NALCN: variants seen among roughly 807,000 people sequenced by gnomAD.
NALCN encodes the protein sodium leak channel, non-selective.
In NALCN, 111 loss-of-function variants were observed where a neutral mutation model predicts 225.3. The observed-to-expected ratio is 0.49, with a 90% CI of 0.42 to 0.58. The LOEUF is 0.58. NALCN is among the 20% of genes least tolerant of loss of function. The probability of loss-of-function intolerance (pLI) is 0.00; values close to 1 mark genes in which losing one functional copy is unlikely to be tolerated. For synonymous variants in NALCN, 764 were observed against 769.0 expected, an observed-to-expected ratio of 0.99 and a Z score of 0.11; for missense variants, 1,378 against 2,202.4, an observed-to-expected ratio of 0.63 and a Z score of 7.49.
intron 11 of NALCN, among the ~76,000 whole-genome samples, chr13:101,251,926 T>A (rs759764041): frequency 6.6e-6 from 1 of 152,172 alleles, no homozygotes; most frequent in African/African-American, 2.4e-5. Context: ...TCTACCACAA[T>A]AGAGAATGAT....
intron 7 of NALCN, among the ~76,000 whole-genome samples, chr13:101,323,115 T>C (rs372683093): frequency 4.6e-5 from 7 of 152,222 alleles, no homozygotes; most frequent in African/African-American, 9.7e-5. Context: ...CTTACCATTA[T>C]TAACATCTTA....
At chr13:101,388,434 A>AT (rs63238661) in intron 3 of NALCN, among the ~76,000 whole-genome samples, 26,149 of 151,902 alleles carry the variant, frequency 0.17, 2,844 homozygotes, top group East Asian at 0.43. Context: ...AAAAAAAAAA[A>AT]TTTTGGTTGT....
At chr13:101,075,181 A>G (rs2033171444) in intron 35 of NALCN, among the ~76,000 whole-genome samples, 1 of 152,238 alleles carries the variant, frequency 6.6e-6, no homozygotes, top group African/African-American at 2.4e-5. Context: ...AAAAGGAAAC[A>G]GCATTGTAAA....
intron 11 of NALCN, among the ~76,000 whole-genome samples, chr13:101,247,251 G>A (rs1286805317): frequency 2.0e-5 from 3 of 152,198 alleles, no homozygotes; most frequent in African/African-American, 7.2e-5. Context: ...GGCCTCCAGA[G>A]GCAGGAGGAG....
intron 15 of NALCN, among the ~76,000 whole-genome samples, chr13:101,146,220 T>C (rs1244843454): frequency 2.6e-5 from 4 of 152,256 alleles, no homozygotes; most frequent in Admixed American, 1.3e-4. Flanking sequence ...ACATTTACCT[T>C]AGCCATTTGT....
intron 6 of NALCN, among the ~76,000 whole-genome samples, chr13:101,370,450 T>C (rs1375530375): frequency 6.6e-6 from 1 of 152,214 alleles, no homozygotes; most frequent in Admixed American, 6.5e-5. Flanking sequence ...TTAATGCCCA[T>C]GTGAGGCGGA....
intron 17 of NALCN, among the ~76,000 whole-genome samples, chr13:101,126,463 T>A (rs921645129): frequency 4.6e-5 from 7 of 151,946 alleles, no homozygotes; most frequent in African/African-American, 1.7e-4. Flanking sequence ...CTTTCCTACT[T>A]CTCCCCTCCT....
chr13:101,192,236 T>A lies in NALCN; in HGVS notation c.1627-182A>T, dbSNP rs1594403812. On this transcript the variant is annotated intron_variant, in intron 13 of 43. Coordinates refer to ENST00000251127, the MANE Select transcript of NALCN (RefSeq NM_052867.4). Reference sequence around the variant, plus strand: ...GAATAAAGATCTTAAAAATGTGATATTTAACTATTTGATGTGGAATAAGAA... The same window carrying A: ...GAATAAAGATCTTAAAAATGTGATAATTAACTATTTGATGTGGAATAAGAA... Among the ~76,000 whole-genome samples, 4 of 152,324 alleles carry A rather than the reference T, an allele frequency of 2.6e-5. 1 individual carries two copies. The highest frequency in any genetic ancestry group is 2.6e-4 in the Admixed American group (4 of 15,288).
chr13:101,196,870 C>T (rs917044773), intron 13 of NALCN, among the ~76,000 whole-genome samples: 9 of 152,092 alleles, frequency 5.9e-5, no homozygotes, highest in African/African-American at 9.7e-5. Context: ...TCTGTATGGG[C>T]GAATAGGACA....
rs945429222 is a variant in NALCN at position 101,071,139 on chromosome 13, C to T, written c.4198-2312G>A. ...CGACACATGGAGATTAAGGGAACTACAATTCAAGATGAGATTTGGGTGGGG... is the reference window on the plus strand; with the variant it reads ...CGACACATGGAGATTAAGGGAACTATAATTCAAGATGAGATTTGGGTGGGG... On this transcript the variant is annotated intron_variant, in intron 37 of 43. Transcript: ENST00000251127. Among the ~76,000 whole-genome samples the T allele has an allele frequency of 3.3e-5, 5 of 152,182 alleles. No homozygotes were observed. The East Asian group carries it at 7.7e-4, about 23-fold the overall frequency.
At chr13:101,132,092 C>T (rs974997937) in intron 17 of NALCN, among the ~76,000 whole-genome samples, 5 of 151,808 alleles carry the variant, frequency 3.3e-5, no homozygotes, top group Non-Finnish European at 5.9e-5. Flanking sequence ...GAAATGAATG[C>T]TTGGAGGATT....
intron 1 of NALCN, among the ~76,000 whole-genome samples, chr13:101,410,251 T>A (rs576751790): frequency 1.2e-4 from 19 of 152,320 alleles, no homozygotes; most frequent in Admixed American, 8.5e-4. Context: ...TGTATTTTTT[T>A]AAAAACATCT....
chr13:101,383,087 T>C (rs1007613175), intron 3 of NALCN, among the ~76,000 whole-genome samples: 3 of 152,202 alleles, frequency 2.0e-5, no homozygotes, highest in Admixed American at 2.0e-4. Flanking sequence ...AAAAAATCTT[T>C]GGCTTTTTAA....
chr13:101,260,981 T>G (rs1283050999), intron 10 of NALCN, among the ~76,000 whole-genome samples: 1 of 152,218 alleles, frequency 6.6e-6, no homozygotes, highest in African/African-American at 2.4e-5. Flanking sequence ...CCCCAGTGTT[T>G]TCTTGTAGTA....
At chr13:101,301,933 T>A (rs1221314516) in intron 7 of NALCN, among the ~76,000 whole-genome samples, 4 of 152,130 alleles carry the variant, frequency 2.6e-5, no homozygotes, top group Non-Finnish European at 5.9e-5. Context: ...AAATGTTAAT[T>A]AGAAGCTTTT....
At chr13:101,149,290 C>CAAA (rs57870899) in intron 15 of NALCN, among the ~76,000 whole-genome samples, 1 of 142,170 alleles carries the variant, frequency 7.0e-6, no homozygotes, top group African/African-American at 2.6e-5. Flanking sequence ...GAGACTGTCT[C>CAAA]AAAAAAAAAA....
At chr13:101,193,137 G>A (rs1028563169) in intron 13 of NALCN, among the ~76,000 whole-genome samples, 1 of 150,274 alleles carries the variant, frequency 6.7e-6, no homozygotes, top group African/African-American at 2.5e-5. Context: ...GGAAAATGAG[G>A]CTCAAAGATG....
At chr13:101,286,082 C>T (rs1349035708) in intron 9 of NALCN, among the ~76,000 whole-genome samples, 2 of 152,080 alleles carry the variant, frequency 1.3e-5, no homozygotes, top group Non-Finnish European at 2.9e-5. Context: ...AATGCAAAAA[C>T]GTTCAATTTC....
Position 101,211,593 on chromosome 13 carries a change from G to A in NALCN, c.1626+17800C>T, listed in dbSNP as rs1044919358. The stretch of plus-strand genomic sequence containing the variant: ...AAAACCCTAATGTTATAGTAGAAAG[G>A]AAATAATGAAAATTAATTTTACAGT... On this transcript the variant is annotated intron_variant, in intron 13 of 43. Transcript: ENST00000251127. Among the ~76,000 whole-genome samples the A allele has an allele frequency of 4.0e-5, 6 of 150,888 alleles. No individual in the cohort carries two copies. In the South Asian group the frequency reaches 8.4e-4, roughly 21 times the overall value.
Sources: allele counts gnomAD v4.1 joint callset (sites outside exome capture counted in the v4.1 genomes callset), GRCh38; gene constraint gnomAD v4.1.1; transcripts MANE v1.5; gene names NCBI Gene and HGNC (gene_info 2026-07-23, HGNC 2026-07-21).